Variants in CYP2U1 observed in about 807,000 individuals in gnomAD.
The protein encoded by CYP2U1 is cytochrome P450 2U1.
A neutral mutation model predicts 42.8 loss-of-function variants in CYP2U1; 28 were observed. The ratio of observed to expected loss-of-function variants is 0.65; its 90% confidence interval spans 0.48 to 0.90. CYP2U1 has a LOEUF of 0.90. Among genes scored for constraint, CYP2U1 ranks in the 40% least tolerant of loss-of-function variants. The pLI is 0.00. For missense variants in CYP2U1, 642 were observed against 693.8 expected (o/e 0.93, Z 0.84); for synonymous variants, 296 against 278.9 (o/e 1.06, Z -0.61).
In CYP2U1 at chr4:107,951,215, A is replaced by G. The variant is rs962366911; in HGVS notation, c.*792A>G. ...CAGTGAGCCTTGCTACTTCTTTAGT[A>G]GCTTCTTGGCAGAATTCCTTTCTAC... On this transcript the variant is annotated 3_prime_UTR_variant, in exon 5 of 5. Coordinates refer to ENST00000332884, the MANE Select transcript of CYP2U1 (RefSeq NM_183075.3). 1 of 152,194 alleles carries G rather than the reference A, an allele frequency of 6.6e-6. No homozygotes were observed. Among genetic ancestry groups the G allele is most frequent in the African/African-American group, 2.4e-5 (1 of 41,458 alleles). The allele number at this position is 152,194 out of a possible 1,614,324, so 9.4% of individuals were successfully genotyped here.
chr4:107,949,422 C>A lies in CYP2U1; in HGVS notation c.1361C>A (p.Ala454Asp). The change falls in exon 4 of 5, where the codon GCC becomes GAC. Residue 454 changes from alanine (A) to aspartate (D), a missense_variant. By Grantham distance (126) the Ala-to-Asp change is moderately radical (BLOSUM62 -2). Transcript: ENST00000332884. ...CTGTGGTCAGTACATAGAGACCCAG[C>A]CATTTGGGAGAAACCGGAGGATTTC... ...PNLWSVHRDP[A>D]IWEKPEDFYP... 1.9e-6 allele frequency: 3 copies of A among 1,611,270 alleles called. No homozygotes were observed. The highest frequency in any genetic ancestry group is 2.5e-6 in the Non-Finnish European group (3 of 1,178,438).
chr4:107,941,190 T>G (rs1236365883), intron 1 of CYP2U1: 1 of 152,078 alleles, frequency 6.6e-6, no homozygotes, highest in Non-Finnish European at 1.5e-5. Context: ...TAAGCTTGAA[T>G]GTACCTAACA....
chr4:107,941,457 A>G lies in CYP2U1; in HGVS notation c.491-3513A>G, dbSNP rs1578722980. 3.3e-5 allele frequency among the ~76,000 whole-genome samples: 5 copies of G among 152,286 alleles called. No homozygotes were observed. The South Asian group carries it at 1.0e-3, about 32-fold the overall frequency. ...TCTCTATTGGACATATAGAGAGGAC[A>G]TATTCCTCAAAATTACTTGGACAAA... On this transcript the variant is annotated intron_variant, in intron 1 of 4. Transcript: ENST00000332884.
In CYP2U1 at chr4:107,944,987, T is replaced by C. The variant is rs1310829853; in HGVS notation, c.508T>C (p.Tyr170His). ...CTTTGCAGGGGTTGTGTTTGCACAT[T>C]ATGGTCCCGTCTGGAGACAACAAAG... ...TKEKGVVFAHYGPVWRQQRKF... is the reference protein window; with the variant it reads ...TKEKGVVFAHHGPVWRQQRKF... The change falls in exon 2 of 5, where the codon TAT (tyrosine) becomes CAT (histidine). Residue 170 changes from tyrosine (Y) to histidine (H), a missense_variant. Tyr to His is a moderately conservative substitution (Grantham distance 83). Transcript: ENST00000332884. 3.1e-6 allele frequency: 5 copies of C among 1,611,940 alleles called. No homozygotes were observed. In the Admixed American group the frequency reaches 8.4e-5, roughly 27 times the overall value.
chr4:107,950,267 AC>A lies in CYP2U1; in HGVS notation c.1480del (p.Gln494AsnfsTer9). On this transcript the variant is annotated frameshift_variant, in exon 5 of 5. Coordinates refer to ENST00000332884, the MANE Select transcript of CYP2U1 (RefSeq NM_183075.3). LOFTEE classifies it high-confidence loss of function. ...TAGGGAAGCGGGTGTGTATGGGAGA[AC>A]AACTGGCAAAGATGGAATTATTCCT... ...GIGKRVCMGE[Q>X]LAKMELFLMF... The A allele has an allele frequency of 6.2e-7, 1 of 1,613,004 alleles. No individual in the cohort carries two copies. Among genetic ancestry groups the A allele is most frequent in the Non-Finnish European group, 8.5e-7 (1 of 1,179,576 alleles).
chr4:107,938,200 A>G (rs1171710519), intron 1 of CYP2U1: 2 of 152,216 alleles, frequency 1.3e-5, no homozygotes, highest in Non-Finnish European at 2.9e-5. Context: ...CATACTGACC[A>G]AAAGTAGACT....
Position 107,951,896 on chromosome 4 carries a change from C to T in CYP2U1, c.*1473C>T, listed in dbSNP as rs1314418587. 1 of 152,146 alleles carries T rather than the reference C, an allele frequency of 6.6e-6. No individual in the cohort carries two copies. The highest frequency in any genetic ancestry group is 6.5e-5 in the Admixed American group (1 of 15,278). The allele number at this position is 152,146 out of a possible 1,614,324, so 9.4% of individuals were successfully genotyped here. ...AAGCTGAGGCTTATAGTAGGTAAGGCACAAAGTTAAAAAGTAACATCACTG... is the reference window on the plus strand; with the variant it reads ...AAGCTGAGGCTTATAGTAGGTAAGGTACAAAGTTAAAAAGTAACATCACTG... On this transcript the variant is annotated 3_prime_UTR_variant, in exon 5 of 5. Coordinates refer to ENST00000332884, the MANE Select transcript of CYP2U1 (RefSeq NM_183075.3).
chr4:107,943,682 T>TG (rs1733577841), intron 1 of CYP2U1, among the ~76,000 whole-genome samples: 1 of 152,220 alleles, frequency 6.6e-6, no homozygotes, highest in Non-Finnish European at 1.5e-5. Flanking sequence ...ATGTTTACAT[T>TG]GAAAGACATT....
intron 1 of CYP2U1, among the ~76,000 whole-genome samples, chr4:107,932,900 A>G (rs1733086798): frequency 6.6e-6 from 1 of 152,180 alleles, no homozygotes; most frequent in Non-Finnish European, 1.5e-5. Flanking sequence ...TTGCCCAAGC[A>G]CTTTTCCTTC....
chr4:107,948,722 A>G (rs1162960299), intron 3 of CYP2U1, among the ~76,000 whole-genome samples: 1 of 152,102 alleles, frequency 6.6e-6, no homozygotes, highest in African/African-American at 2.4e-5. Context: ...CCTATTAACA[A>G]AGAATTTACC....
rs1733732941 is a variant in CYP2U1, at chr4:107,947,371, C to T, written c.1127-5C>T. 6.2e-7 allele frequency: 1 copy of T among 1,613,762 alleles called. No individual in the cohort carries two copies. Among genetic ancestry groups the T allele is most frequent in the Non-Finnish European group, 8.5e-7 (1 of 1,179,724 alleles). On this transcript the variant is annotated splice_polypyrimidine_tract_variant and splice_region_variant and intron_variant, in intron 2 of 4. Transcript: ENST00000332884. ...CTTCTGGTTTATTTTTCCCTTTTTA[C>T]ATAGAAAAGGTTCATGAAGAAATTG...
Position 107,949,248 on chromosome 4 carries a change from T to G in CYP2U1, c.1289-102T>G, listed in dbSNP as rs141971918. On this transcript the variant is annotated intron_variant, in intron 3 of 4. Transcript: ENST00000332884. ...ACAGTTTGGTCTCAGCCAATTAAAG[T>G]GATAGGTATATAACTACATTTTTTT... 471 of 1,146,606 alleles carry G rather than the reference T, an allele frequency of 4.1e-4. 2 individuals carry two copies. The African/African-American group carries it at 6.7e-3, about 16-fold the overall frequency. The allele number at this position is 1,146,606 out of a possible 1,614,324, so 71.0% of individuals were successfully genotyped here.
At chr4:107,934,173 C>CTT (rs57049253) in intron 1 of CYP2U1, among the ~76,000 whole-genome samples, 1 of 141,118 alleles carries the variant, frequency 7.1e-6, no homozygotes. Flanking sequence ...ACCAACACTT[C>CTT]TTTTTTTTTT....
chr4:107,932,194 G>C (rs1733025796), intron 1 of CYP2U1, 61 bp downstream of exon 1: 2 of 1,527,934 alleles, frequency 1.3e-6, no homozygotes, highest in African/African-American at 2.7e-5. Flanking sequence ...CCAGGTGCGT[G>C]GGGGCTGCAG....
In CYP2U1 at chr4:107,949,411, T is replaced by G. The variant is rs771661379; in HGVS notation, c.1350T>G (p.His450Gln). 3 of 1,611,276 alleles carry G rather than the reference T, an allele frequency of 1.9e-6. No homozygotes were observed. Among genetic ancestry groups the G allele is most frequent in the Non-Finnish European group, 2.5e-6 (3 of 1,178,432 alleles). Reference sequence around the variant, plus strand: ...TCTTACCCAACCTGTGGTCAGTACATAGAGACCCAGCCATTTGGGAGAAAC... The same window carrying G: ...TCTTACCCAACCTGTGGTCAGTACAGAGAGACCCAGCCATTTGGGAGAAAC... ...TLILPNLWSV[H>Q]RDPAIWEKPE... is the part of the protein sequence containing the mutation. Residue 450 changes from histidine (H) to glutamine (Q), a missense_variant, in exon 4 of 5, where the codon CAT becomes CAG. Coordinates refer to ENST00000332884, the MANE Select transcript of CYP2U1 (RefSeq NM_183075.3).
In CYP2U1 at chr4:107,931,988, C is replaced by CA. The variant is rs1243873657; in HGVS notation, c.346dup (p.Ser116LysfsTer79). The CA allele has an allele frequency of 6.4e-7, 1 of 1,553,604 alleles. No homozygotes were observed. The highest frequency in any genetic ancestry group is 8.7e-7 in the Non-Finnish European group (1 of 1,148,394). On this transcript the variant is annotated frameshift_variant, in exon 1 of 5. Coordinates refer to ENST00000332884, the MANE Select transcript of CYP2U1 (RefSeq NM_183075.3). LOFTEE classifies it high-confidence loss of function. ...TGGCTCACCTAGCCCGCGTGTACGG[C>CA]AGCATCTTCAGCTTCTTTATCGGCC...
rs932307984 is a variant in CYP2U1 at position 107,953,184 on chromosome 4, G to A, written c.*2761G>A. 1.3e-5 allele frequency: 2 copies of A among 152,178 alleles called. No individual in the cohort carries two copies. Among genetic ancestry groups the A allele is most frequent in the Non-Finnish European group, 2.9e-5 (2 of 68,032 alleles). 9.4% of individuals were successfully genotyped at this position (152,178 alleles called of 1,614,324 possible). A position where few individuals can be genotyped will look rare whatever the true frequency, so the allele number is the denominator to read the frequency against. On this transcript the variant is annotated 3_prime_UTR_variant, in exon 5 of 5. Transcript: ENST00000332884. ...AACCAAATAGTTTATAGCTTATTGA[G>A]AAGAAGTCTGTTCTTGGAGAGATGT...
Position 107,947,612 on chromosome 4 carries a change from G to A in CYP2U1, c.1288+75G>A, listed in dbSNP as rs1414856291. 5 of 1,470,726 alleles carry A rather than the reference G, an allele frequency of 3.4e-6. No homozygotes were observed. In the South Asian group the frequency reaches 3.6e-5, roughly 11 times the overall value. 91.1% of individuals were successfully genotyped at this position (1,470,726 alleles called of 1,614,324 possible). Reference sequence around the variant, plus strand: ...TCTAATCCAGGGTAGTTGAGGTGAGGGGTGTGGTGACTGTTGTCTAGCTTG... The same window carrying A: ...TCTAATCCAGGGTAGTTGAGGTGAGAGGTGTGGTGACTGTTGTCTAGCTTG... On this transcript the variant is annotated intron_variant, in intron 3 of 4. Transcript: ENST00000332884.
At position 107,944,848 on chromosome 4, in the gene CYP2U1, A is replaced by ATATATATATATATATATATATATATATG. The variant is rs1477542877; in HGVS notation, c.491-119_491-118insATATATATATATATATATATATATGTAT. The ATATATATATATATATATATATATATATG allele has an allele frequency of 6.7e-5, 9 of 134,724 alleles. 1 individual carries two copies. Among genetic ancestry groups the ATATATATATATATATATATATATATATG allele is most frequent in the Non-Finnish European group, 2.8e-5 (2 of 70,712 alleles). 8.3% of individuals were successfully genotyped at this position (134,724 alleles called of 1,614,324 possible). A position where few individuals can be genotyped will look rare whatever the true frequency, so the allele number is the denominator to read the frequency against. On this transcript the variant is annotated intron_variant, in intron 1 of 4. Coordinates refer to ENST00000332884, the MANE Select transcript of CYP2U1 (RefSeq NM_183075.3). ...GTGGTCTTTATATATACATATATAT[A>ATATATATATATATATATATATATATATG]TATTTATATGAGGAATTTTCCATAA...
Sources: gnomAD v4.1 joint callset for allele counts (sites outside exome capture counted in the v4.1 genomes callset) on GRCh38, gnomAD v4.1.1 for gene constraint, MANE v1.5 for transcripts, NCBI Gene and HGNC (gene_info 2026-07-23, HGNC 2026-07-21) for gene names.